Variants in NPR3 observed in about 807,000 individuals in gnomAD.
NPR3 encodes the protein atrial natriuretic peptide receptor 3.
A neutral mutation model predicts 54.5 loss-of-function variants in NPR3; 34 were observed. That is an observed-to-expected ratio of 0.62 (90% CI 0.47 to 0.83). The LOEUF (loss-of-function observed/expected upper bound fraction) is 0.83. Ranked by LOEUF, NPR3 falls within the 40% of genes least tolerant of loss-of-function variation. NPR3 has a pLI of 0.00. For synonymous variants in NPR3, 289 were observed against 297.1 expected (o/e 0.97, Z 0.28); for missense variants, 674 against 720.8 (o/e 0.94, Z 0.74).
chr5:32,706,301 A>T (rs1284745201), upstream of NPR3, among the ~76,000 whole-genome samples: 2 of 152,146 alleles, frequency 1.3e-5, no homozygotes, highest in Non-Finnish European at 2.9e-5. Flanking sequence ...TAATTAAACA[A>T]CTTTTCTTTA....
intron 1 of NPR3, among the ~76,000 whole-genome samples, chr5:32,692,813 A>T (rs896781249): frequency 6.6e-6 from 1 of 152,250 alleles, no homozygotes; most frequent in Non-Finnish European, 1.5e-5. Context: ...TCTCATTAGC[A>T]AGGAAATAAT....
chr5:32,764,060 T>C (rs1447721330), intron 3 of NPR3, among the ~76,000 whole-genome samples: 1 of 152,182 alleles, frequency 6.6e-6, no homozygotes, highest in Non-Finnish European at 1.5e-5. Context: ...TTCCTCTAGC[T>C]TGGTGGGGTT....
chr5:32,713,427 C>A (rs941031032), intron 1 of NPR3: 14 of 985,448 alleles, frequency 1.4e-5, no homozygotes, highest in Non-Finnish European at 1.6e-5. Context: ...CAGTGTGGCC[C>A]ATTTTACGGT....
At chr5:32,771,706 C>T (rs3811961) in intron 3 of NPR3, among the ~76,000 whole-genome samples, 23,297 of 152,024 alleles carry the variant, frequency 0.15, 2,026 homozygotes, top group African/African-American at 0.23. Flanking sequence ...ACAATTTAAA[C>T]GAGGCCTGTC....
chr5:32,771,272 C>T (rs1257926091), intron 3 of NPR3, among the ~76,000 whole-genome samples: 2 of 152,128 alleles, frequency 1.3e-5, no homozygotes, highest in African/African-American at 2.4e-5. Context: ...CAAACCTCAG[C>T]AGGGTCAGCA....
In NPR3 at chr5:32,788,424, CTTGAA is replaced by C. The variant is rs1742745003; in HGVS notation, c.*2083_*2087del. On this transcript the variant is annotated 3_prime_UTR_variant, in exon 8 of 8. Transcript: ENST00000265074. ...GGAAGGATTGTGTCCATCTTACTTACTTGAATTGGAGAGCTTGTTTCTCTCTCATT... is the reference window on the plus strand; with the variant it reads ...GGAAGGATTGTGTCCATCTTACTTACTTGGAGAGCTTGTTTCTCTCTCATT... 6.6e-6 allele frequency: 1 copy of C among 152,176 alleles called. No homozygotes were observed. Among genetic ancestry groups the C allele is most frequent in the Non-Finnish European group, 1.5e-5 (1 of 68,038 alleles). 9.4% of individuals were successfully genotyped at this position (152,176 alleles called of 1,614,324 possible).
chr5:32,721,872 G>A (rs988568400), intron 1 of NPR3, among the ~76,000 whole-genome samples: 5 of 152,130 alleles, frequency 3.3e-5, no homozygotes, highest in Non-Finnish European at 5.9e-5. Flanking sequence ...CCTTCTTGCT[G>A]TGTCATAACA....
intron 1 of NPR3, among the ~76,000 whole-genome samples, chr5:32,719,098 CT>C (rs1276843090): frequency 6.6e-6 from 1 of 151,950 alleles, no homozygotes; most frequent in East Asian, 1.9e-4. Context: ...TTTTCTGCAT[CT>C]ATTGAGATAA....
intron 3 of NPR3, among the ~76,000 whole-genome samples, chr5:32,771,028 T>A (rs1413934569): frequency 6.6e-6 from 1 of 152,152 alleles, no homozygotes; most frequent in Non-Finnish European, 1.5e-5. Flanking sequence ...TAGGAAGTGT[T>A]CTTAAGCTAA....
At chr5:32,780,903 T>C (rs1426767021) in intron 5 of NPR3, 87 bp downstream of exon 5, 1 of 667,094 alleles carries the variant, frequency 1.5e-6, no homozygotes, top group Non-Finnish European at 2.7e-6. Flanking sequence ...CAAAGAGCTG[T>C]CTCCAATGCA....
intron 3 of NPR3, among the ~76,000 whole-genome samples, chr5:32,757,009 T>G (rs2111999931): frequency 6.6e-6 from 1 of 152,346 alleles, no homozygotes; most frequent in Non-Finnish European, 1.5e-5. Context: ...TACTGTAGCC[T>G]TGTAGTATAG....
chr5:32,782,830 G>C (rs1367336513), intron 5 of NPR3, 63 bp from the exon 6 acceptor site: 10 of 1,483,076 alleles, frequency 6.7e-6, no homozygotes, highest in Non-Finnish European at 8.2e-6. Flanking sequence ...GCTGTGGAAG[G>C]CTGCGAGCTT....
intron 2 of NPR3, among the ~76,000 whole-genome samples, chr5:32,733,841 G>A (rs2111926572): frequency 6.6e-6 from 1 of 152,196 alleles, no homozygotes; most frequent in Non-Finnish European, 1.5e-5. Flanking sequence ...CACCGCATAT[G>A]CAGTTTTAAA....
rs777199551 is a variant in NPR3, at chr5:32,789,547, G to A, written c.*3202G>A. The A allele has an allele frequency of 5.6e-6, 3 of 534,608 alleles. No homozygotes were observed. The highest frequency in any genetic ancestry group is 4.2e-5 in the South Asian group (3 of 71,574). The allele number at this position is 534,608 out of a possible 1,614,324, so 33.1% of individuals were successfully genotyped here. A position where few individuals can be genotyped will look rare whatever the true frequency, so the allele number is the denominator to read the frequency against. On this transcript the variant is annotated 3_prime_UTR_variant, in exon 8 of 8. Transcript: ENST00000265074. ...AATGGAGGGAAGAGAGAAATGCATG[G>A]GAAAAGAACACCTCCTTTTCTCCTT...
At chr5:32,755,118 C>T (rs1579660811) in intron 3 of NPR3, among the ~76,000 whole-genome samples, 1 of 152,232 alleles carries the variant, frequency 6.6e-6, no homozygotes, top group South Asian at 2.1e-4. Context: ...CCTCAGCCTC[C>T]CAAAGTGCCG....
chr5:32,763,905 C>T (rs1741305475), intron 3 of NPR3, among the ~76,000 whole-genome samples: 1 of 152,098 alleles, frequency 6.6e-6, no homozygotes, highest in South Asian at 2.1e-4. Context: ...CTTTTGGAAA[C>T]TTGGTTTTGG....
Position 32,711,768 on chromosome 5 carries a change from T to G in NPR3, c.-9T>G. 1.4e-6 allele frequency: 2 copies of G among 1,416,430 alleles called. No individual in the cohort carries two copies. The highest frequency in any genetic ancestry group is 1.8e-6 in the Non-Finnish European group (2 of 1,085,066). 87.7% of individuals were successfully genotyped at this position (1,416,430 alleles called of 1,614,324 possible). ...GCGGCGGCGAGGGCAAGCTCTTTCT[T>G]GCGGCACGATGCCGTCTCTGCTGGT... On this transcript the variant is annotated 5_prime_UTR_variant, in exon 1 of 8. Coordinates refer to ENST00000265074, the MANE Select transcript of NPR3 (RefSeq NM_001204375.2).
At chr5:32,705,576 C>T (rs1321637563), upstream of NPR3, among the ~76,000 whole-genome samples, 3 of 152,026 alleles carry the variant, frequency 2.0e-5, no homozygotes, top group African/African-American at 7.2e-5. Flanking sequence ...GGGGGAGATG[C>T]TACACACTTT....
At chr5:32,764,579 A>G (rs1741343707) in intron 3 of NPR3, among the ~76,000 whole-genome samples, 1 of 151,766 alleles carries the variant, frequency 6.6e-6, no homozygotes, top group Non-Finnish European at 1.5e-5. Flanking sequence ...CCTGAGGTCA[A>G]AGGTTTGAGA....
Sources: allele counts gnomAD v4.1 joint callset (sites outside exome capture counted in the v4.1 genomes callset), GRCh38; gene constraint gnomAD v4.1.1; transcripts MANE v1.5; gene names NCBI Gene and HGNC (gene_info 2026-07-23, HGNC 2026-07-21).